CFAP20DC: variants seen among roughly 807,000 people sequenced by gnomAD.
The protein encoded by CFAP20DC is protein CFAP20DC.
CFAP20DC carries 84 observed loss-of-function variants against 101.7 expected under a neutral mutation model. That is an observed-to-expected ratio of 0.83 (90% CI 0.69 to 0.99). CFAP20DC has a LOEUF of 0.99. Among genes scored for constraint, CFAP20DC ranks in the 50% least tolerant of loss-of-function variants. The probability of loss-of-function intolerance (pLI) is 0.00; values close to 1 mark genes in which losing one functional copy is unlikely to be tolerated. For missense variants in CFAP20DC, 1,007 were observed against 970.3 expected, an observed-to-expected ratio of 1.04 and a Z score of -0.50; for synonymous variants, 359 against 351.2, an observed-to-expected ratio of 1.02 and a Z score of -0.25.
Position 59,001,854 on chromosome 3 carries a change from T to TTTC in CFAP20DC, c.278+37702_278+37703insGAA, listed in dbSNP as rs2093320546. Among the ~76,000 whole-genome samples, 1 of 152,190 alleles carries TTTC rather than the reference T, an allele frequency of 6.6e-6. No individual in the cohort carries two copies. Among genetic ancestry groups the TTTC allele is most frequent in the Admixed American group, 6.5e-5 (1 of 15,282 alleles). On this transcript the variant is annotated intron_variant, in intron 4 of 16. Coordinates refer to ENST00000482387, the MANE Select transcript of CFAP20DC (RefSeq NM_001394063.1). The surrounding 1 kb of genome is among the most constrained non-coding windows in gnomAD (Gnocchi z 4.5). ...GATGTTACTATAGTAATCAGTGGGC[T>TTTC]TCCTGGGCTCTCTGCCAATTAGTGT...
intron 12 of CFAP20DC, chr3:58,862,952 C>T: frequency 3.1e-6 from 3 of 974,714 alleles, no homozygotes; most frequent in Non-Finnish European, 3.7e-6. Flanking sequence ...CATTTTAAAA[C>T]TTTTTACGAA....
chr3:58,939,649 A>G (rs2088227499), intron 4 of CFAP20DC, among the ~76,000 whole-genome samples: 2 of 151,428 alleles, frequency 1.3e-5, no homozygotes, highest in African/African-American at 2.4e-5. Flanking sequence ...TAGTAGAGAC[A>G]GGGTTTCATG....
intron 3 of CFAP20DC, among the ~76,000 whole-genome samples, chr3:58,731,886 A>C (rs1001874667): frequency 1.3e-5 from 2 of 152,230 alleles, no homozygotes; most frequent in African/African-American, 4.8e-5. Context: ...CAATAGTGCC[A>C]CCAACAGTTA....
chr3:58,936,998 T>C (rs950694771), intron 5 of CFAP20DC, among the ~76,000 whole-genome samples: 3 of 148,996 alleles, frequency 2.0e-5, no homozygotes, highest in East Asian at 3.9e-4. Context: ...AAGGAAAGTA[T>C]CAAGTGCATA....
chr3:58,815,666 A>G (rs1376010577), intron 14 of CFAP20DC, among the ~76,000 whole-genome samples: 3 of 151,596 alleles, frequency 2.0e-5, no homozygotes, highest in Non-Finnish European at 4.4e-5. Flanking sequence ...TTACAAGAAA[A>G]AAAACAAACA....
Position 58,788,426 on chromosome 3 carries a change from G to T in CFAP20DC, c.2237+17969C>A, listed in dbSNP as rs1198491473. ...TGGACAGCGCTGTATGAGAAGTAAT[G>T]GGGAGCAAATGGGGAATCAACGAGA... On this transcript the variant is annotated intron_variant, in intron 15 of 16. Coordinates refer to ENST00000482387, the MANE Select transcript of CFAP20DC (RefSeq NM_001394063.1). The surrounding 1 kb of genome is among the most constrained non-coding windows in gnomAD (Gnocchi z 4.2). 6.6e-6 allele frequency among the ~76,000 whole-genome samples: 1 copy of T among 152,148 alleles called. No individual in the cohort carries two copies. Among genetic ancestry groups the T allele is most frequent in the Admixed American group, 6.6e-5 (1 of 15,266 alleles).
chr3:58,937,859 C>T (rs532667701), intron 4 of CFAP20DC, 97 bp from the exon 5 acceptor site: 1 of 697,536 alleles, frequency 1.4e-6, no homozygotes, highest in Non-Finnish European at 2.4e-6. Context: ...TCATACAGAC[C>T]CTTTTCAACA....
chr3:59,017,030 T>A (rs566774699), intron 4 of CFAP20DC, among the ~76,000 whole-genome samples: 1 of 152,234 alleles, frequency 6.6e-6, no homozygotes, highest in African/African-American at 2.4e-5. Context: ...TGCTGTGGCA[T>A]CCACAAATGT....
Position 58,818,998 on chromosome 3 carries a change from C to T in CFAP20DC, c.2176-12542G>A, listed in dbSNP as rs190849865. Among the ~76,000 whole-genome samples, 751 of 150,958 alleles carry T rather than the reference C, an allele frequency of 5.0e-3. 6 individuals carry two copies. Among genetic ancestry groups the T allele is most frequent in the African/African-American group, 0.017 (708 of 40,712 alleles). On this transcript the variant is annotated intron_variant, in intron 14 of 16. Coordinates refer to ENST00000482387, the MANE Select transcript of CFAP20DC (RefSeq NM_001394063.1). ...CAGGATTAAGAATCTCACTCAAACC[C>T]GCTCAACTACGTGGAAACTGAACAA... is the stretch of plus-strand genomic sequence containing the variant.
downstream of CFAP20DC, among the ~76,000 whole-genome samples, chr3:58,738,843 T>G (rs1307163911): frequency 1.3e-5 from 2 of 152,204 alleles, no homozygotes; most frequent in Non-Finnish European, 2.9e-5. The surrounding 1 kb of genome is among the most constrained non-coding windows in gnomAD (Gnocchi z 4.4). Flanking sequence ...CATGTTTTGA[T>G]AGTGTACTTG....
intron 15 of CFAP20DC, chr3:58,794,435 T>C (rs958897727): frequency 1.2e-5 from 5 of 428,726 alleles, no homozygotes; most frequent in African/African-American, 2.0e-5. Flanking sequence ...TCAAGTCATC[T>C]TAAACAGCCT....
chr3:58,937,571 C>G (rs2107782110), intron 5 of CFAP20DC, 77 bp downstream of exon 5: 1 of 884,962 alleles, frequency 1.1e-6, no homozygotes, highest in East Asian at 2.4e-5. Flanking sequence ...CAAAGTACCT[C>G]ACATATGGAG....
intron 15 of CFAP20DC, among the ~76,000 whole-genome samples, chr3:58,758,459 G>C (rs2069168489): frequency 6.6e-6 from 1 of 152,068 alleles, no homozygotes; most frequent in South Asian, 2.1e-4. Context: ...ACTCCTGCTT[G>C]CTGTTCCACC....
At chr3:58,837,779 G>A (rs1029997879) in intron 13 of CFAP20DC, among the ~76,000 whole-genome samples, 1 of 152,062 alleles carries the variant, frequency 6.6e-6, no homozygotes, top group Non-Finnish European at 1.5e-5. Flanking sequence ...AGATGTTTTT[G>A]GACCCCAACA....
intron 16 of CFAP20DC, among the ~76,000 whole-genome samples, chr3:58,751,778 C>T (rs2068589476): frequency 6.6e-6 from 1 of 151,974 alleles, no homozygotes; most frequent in African/African-American, 2.4e-5. Context: ...CTTTGTGACT[C>T]AGTAGTTGTG....
chr3:58,999,447 C>T (rs974681743), intron 4 of CFAP20DC, among the ~76,000 whole-genome samples: 4 of 152,098 alleles, frequency 2.6e-5, no homozygotes, highest in Non-Finnish European at 4.4e-5. Flanking sequence ...CTGAATGTAA[C>T]AAGAGTCACA....
At chr3:58,935,803 C>T (rs1486791569) in intron 5 of CFAP20DC, among the ~76,000 whole-genome samples, 1 of 152,168 alleles carries the variant, frequency 6.6e-6, no homozygotes, top group African/African-American at 2.4e-5. Flanking sequence ...AACGTTAGAT[C>T]TAAAACCATA....
At chr3:58,768,123 C>T (rs778690187) in intron 15 of CFAP20DC, among the ~76,000 whole-genome samples, 1 of 152,186 alleles carries the variant, frequency 6.6e-6, no homozygotes, top group Non-Finnish European at 1.5e-5. Context: ...ACATGGCTTT[C>T]TGGAGCAGAT....
intron 12 of CFAP20DC, among the ~76,000 whole-genome samples, chr3:58,851,327 G>C (rs1228095223): frequency 6.6e-6 from 1 of 152,154 alleles, no homozygotes; most frequent in Non-Finnish European, 1.5e-5. Context: ...TTGTTATTAG[G>C]ATTGTTGAGG....
Sources: gnomAD v4.1 joint callset for allele counts (sites outside exome capture counted in the v4.1 genomes callset) on GRCh38, gnomAD v4.1.1 for gene constraint, Gnocchi (gnomAD v3.1) non-coding constraint, MANE v1.5 for transcripts, NCBI Gene and HGNC (gene_info 2026-07-23, HGNC 2026-07-21) for gene names.